DDX4: variants seen among roughly 807,000 people sequenced by gnomAD.
DDX4 encodes the protein probable ATP-dependent RNA helicase DDX4.
A neutral mutation model predicts 100.0 loss-of-function variants in DDX4; 25 were observed. The observed-to-expected ratio is 0.25, with a 90% confidence interval of 0.18 to 0.35. The LOEUF is 0.35. DDX4 is among the 10% of genes least tolerant of loss of function. The pLI, the probability that DDX4 is intolerant of heterozygous loss-of-function variation, is 1.00. For missense variants in DDX4, 635 were observed against 882.4 expected (o/e 0.72, Z 3.55); for synonymous variants, 259 against 275.7 (o/e 0.94, Z 0.60).
chr5:55,782,014 T>G (rs774394734), intron 10 of DDX4, 33 bp downstream of exon 10: 39 of 1,611,272 alleles, frequency 2.4e-5, no homozygotes, highest in Non-Finnish European at 1.3e-5. Context: ...CGAAAGAAGT[T>G]AAAATCATTG....
At chr5:55,769,560 A>G (rs1028405242) in intron 7 of DDX4, among the ~76,000 whole-genome samples, 4 of 152,206 alleles carry the variant, frequency 2.6e-5, no homozygotes, top group African/African-American at 9.6e-5. Context: ...TACAAAAATC[A>G]GTGGCATTCC....
chr5:55,739,702 C>T (rs1196751614), intron 2 of DDX4, among the ~76,000 whole-genome samples: 1 of 152,106 alleles, frequency 6.6e-6, no homozygotes, highest in African/African-American at 2.4e-5. Flanking sequence ...GAGTGTATGT[C>T]AGTTCTGACA....
chr5:55,773,027 A>G (rs1175442148), intron 7 of DDX4: 4 of 152,242 alleles, frequency 2.6e-5, no homozygotes, highest in African/African-American at 4.8e-5. Context: ...GCATTGCTAT[A>G]ACAAAATGCT....
chr5:55,782,720 C>G (rs1386311358), intron 10 of DDX4, among the ~76,000 whole-genome samples: 2 of 151,708 alleles, frequency 1.3e-5, no homozygotes, highest in Non-Finnish European at 2.9e-5. Context: ...TATGCTTTTT[C>G]TTATGGAATA....
At chr5:55,797,132 C>A (rs1399977301) in intron 17 of DDX4, among the ~76,000 whole-genome samples, 1 of 152,186 alleles carries the variant, frequency 6.6e-6, no homozygotes, top group Admixed American at 6.5e-5. Context: ...GCATGAGCCA[C>A]TGTGCCCCGC....
intron 6 of DDX4, among the ~76,000 whole-genome samples, chr5:55,767,467 G>T (rs1740995209): frequency 6.6e-6 from 1 of 152,126 alleles, no homozygotes; most frequent in South Asian, 2.1e-4. Context: ...TTACAGAAAA[G>T]ATATGACATT....
At chr5:55,781,322 A>G (rs1404015297) in intron 9 of DDX4, among the ~76,000 whole-genome samples, 176 bp downstream of exon 9, 1 of 152,234 alleles carries the variant, frequency 6.6e-6, no homozygotes, top group Non-Finnish European at 1.5e-5. Context: ...AATTTGTGCA[A>G]TGTGAATTAT....
At chr5:55,785,390 C>A (rs1267558972) in intron 11 of DDX4, 46 bp downstream of exon 11, 4 of 1,583,486 alleles carry the variant, frequency 2.5e-6, no homozygotes, top group Non-Finnish European at 3.5e-6. Context: ...AGTGAGAGTT[C>A]TTTTACCTTT....
At chr5:55,785,366 T>G in intron 11 of DDX4, 22 bp downstream of exon 11, 1 of 1,595,648 alleles carries the variant, frequency 6.3e-7, no homozygotes, top group Non-Finnish European at 8.6e-7. Context: ...TTAAACAAGG[T>G]GTTTGATTTT....
chr5:55,761,468 A>G (rs1416687418), intron 4 of DDX4, among the ~76,000 whole-genome samples: 1 of 152,166 alleles, frequency 6.6e-6, no homozygotes, highest in African/African-American at 2.4e-5. Context: ...TTAGGTTGAA[A>G]TACACATAAA....
chr5:55,808,036 G>A (rs184101703), intron 18 of DDX4, among the ~76,000 whole-genome samples: 90 of 151,786 alleles, frequency 5.9e-4, no homozygotes, highest in African/African-American at 1.9e-3. Flanking sequence ...CTTTTTTCTC[G>A]AAACTTCTCT....
In DDX4 at chr5:55,764,010, A is replaced by G. The variant is rs1335189280; in HGVS notation, c.284-4A>G. ...GAAATTGTTTCATTTTATATTTTGT[A>G]TAGGTTTTTCAAACAGCAGGTTTGA... On this transcript the variant is annotated splice_polypyrimidine_tract_variant and splice_region_variant and intron_variant, in intron 5 of 21. Transcript: ENST00000505374. The G allele has an allele frequency of 1.9e-6, 3 of 1,601,518 alleles. No individual in the cohort carries two copies. The African/African-American group carries it at 4.0e-5, about 21-fold the overall frequency.
intron 2 of DDX4, among the ~76,000 whole-genome samples, chr5:55,743,881 A>G (rs990150597): frequency 4.0e-5 from 6 of 149,578 alleles, no homozygotes; most frequent in African/African-American, 1.5e-4. Flanking sequence ...CTTTAGTGTA[A>G]GAGTGTTTTA....
chr5:55,807,420 A>G (rs1432498392), intron 18 of DDX4, among the ~76,000 whole-genome samples: 2 of 152,100 alleles, frequency 1.3e-5, no homozygotes, highest in Non-Finnish European at 2.9e-5. Context: ...CCTAGCCTTG[A>G]TGGTCTTTAC....
At chr5:55,771,849 G>A (rs1027758833) in intron 7 of DDX4, among the ~76,000 whole-genome samples, 1 of 152,076 alleles carries the variant, frequency 6.6e-6, no homozygotes, top group Non-Finnish European at 1.5e-5. Flanking sequence ...TTGTCAAGTC[G>A]TTTGCCCATT....
intron 16 of DDX4, among the ~76,000 whole-genome samples, chr5:55,791,939 G>A (rs760627008): frequency 4.0e-5 from 6 of 151,832 alleles, no homozygotes; most frequent in African/African-American, 1.4e-4. Flanking sequence ...GTGAAACCCC[G>A]TCTCTACTAA....
At position 55,780,038 on chromosome 5, in the gene DDX4, C is replaced by G. The variant is rs760999885; in HGVS notation, c.469C>G (p.Arg157Gly). Residue 157 changes from arginine (R) to glycine (G), a missense_variant, in exon 8 of 22, where the codon CGT (arginine) becomes GGT (glycine). Around this residue, in one of 4 missense-constraint regions of DDX4, gnomAD observed 446 missense variants for 540.8 expected, o/e 0.82. Transcript: ENST00000505374. ...RGGRGSFRGCRGGFGLGSPNN... is the reference protein window; with the variant it reads ...RGGRGSFRGCGGGFGLGSPNN... ...TGGAAGAGGTAGTTTCCGAGGTTGCCGTGGAGGATTTGGTCTAGGAAGTCC... is the reference window on the plus strand; with the variant it reads ...TGGAAGAGGTAGTTTCCGAGGTTGCGGTGGAGGATTTGGTCTAGGAAGTCC... 2 of 1,613,594 alleles carry G rather than the reference C, an allele frequency of 1.2e-6. No individual in the cohort carries two copies. Among genetic ancestry groups the G allele is most frequent in the Admixed American group, 1.7e-5 (1 of 59,968 alleles).
chr5:55,793,068 TTG>T (rs1742694743), intron 17 of DDX4, among the ~76,000 whole-genome samples: 1 of 146,158 alleles, frequency 6.8e-6, no homozygotes, highest in Non-Finnish European at 1.5e-5. Flanking sequence ...GTGTGTGTTG[TTG>T]TTGTTGTTGC....
At chr5:55,780,713 A>G (rs1006119414) in intron 8 of DDX4, among the ~76,000 whole-genome samples, 16 of 152,178 alleles carry the variant, frequency 1.1e-4, no homozygotes, top group African/African-American at 3.9e-4. Context: ...TGCAATGTGA[A>G]GTTTCTCAGG....
Sources: allele counts gnomAD v4.1 joint callset (sites outside exome capture counted in the v4.1 genomes callset), GRCh38; gene constraint gnomAD v4.1.1; regional missense constraint gnomAD v4.1.1; transcripts MANE v1.5; gene names NCBI Gene and HGNC (gene_info 2026-07-23, HGNC 2026-07-21).